Variants in SRGAP1 observed in about 807,000 individuals in gnomAD.
The protein encoded by SRGAP1 is SLIT-ROBO Rho GTPase-activating protein 1.
Under a neutral mutation model 121.9 loss-of-function variants are expected in SRGAP1, and 43 were observed. That is an observed-to-expected ratio of 0.35 (90% confidence interval 0.28 to 0.46). The LOEUF is 0.46. Among genes scored for constraint, SRGAP1 ranks in the 20% least tolerant of loss-of-function variants. SRGAP1 has a pLI of 1.00. For missense variants in SRGAP1, 1,102 were observed against 1,350.9 expected, an observed-to-expected ratio of 0.82 and a Z score of 2.89; for synonymous variants, 447 against 485.4, an observed-to-expected ratio of 0.92 and a Z score of 1.04.
intron 1 of SRGAP1, among the ~76,000 whole-genome samples, chr12:63,872,696 T>G (rs1171558548): frequency 6.6e-6 from 1 of 152,216 alleles, no homozygotes; most frequent in Non-Finnish European, 1.5e-5. Context: ...GGACAGGGAT[T>G]TGTTTTTTTA....
intron 3 of SRGAP1, among the ~76,000 whole-genome samples, chr12:64,015,241 A>G (rs2034371616): frequency 1.3e-5 from 2 of 152,194 alleles, no homozygotes; most frequent in South Asian, 4.1e-4. Context: ...CTGATATTAA[A>G]ATAACACCAA....
chr12:64,160,872 T>C lies in SRGAP1; in HGVS notation c.*18200T>C, dbSNP rs2037204490. The C allele has an allele frequency of 6.6e-6, 1 of 152,238 alleles. No individual in the cohort carries two copies. Among genetic ancestry groups the C allele is most frequent in the African/African-American group, 2.4e-5 (1 of 41,472 alleles). The allele number at this position is 152,238 out of a possible 1,614,324, so 9.4% of individuals were successfully genotyped here. On this transcript the variant is annotated 3_prime_UTR_variant, in exon 22 of 22. Transcript: ENST00000355086. ...CTATTCTCTCTAGCATTATGAATCATTTCCCCTCAGGATTTTGGAGATGTT... is the reference window on the plus strand; with the variant it reads ...CTATTCTCTCTAGCATTATGAATCACTTCCCCTCAGGATTTTGGAGATGTT...
chr12:64,072,148 G>GTGTGTGTGTGTGT (rs1555171583), intron 8 of SRGAP1, among the ~76,000 whole-genome samples: 47 of 52,946 alleles, frequency 8.9e-4, no homozygotes, highest in Non-Finnish European at 2.0e-3. Flanking sequence ...GTGTGTGTGT[G>GTGTGTGTGTGTGT]GGCGGCGGGG....
intron 6 of SRGAP1, among the ~76,000 whole-genome samples, chr12:64,054,003 A>C (rs1441872625): frequency 6.6e-6 from 1 of 152,182 alleles, no homozygotes. Flanking sequence ...CATTACTGAT[A>C]ATGTAGCCTC....
intron 1 of SRGAP1, among the ~76,000 whole-genome samples, chr12:63,938,401 C>G (rs146571373): frequency 6.6e-6 from 1 of 152,128 alleles, no homozygotes; most frequent in Non-Finnish European, 1.5e-5. Flanking sequence ...CGGTTGTGCT[C>G]GCCTGTCACC....
chr12:64,053,298 A>G (rs2035274628), intron 6 of SRGAP1, among the ~76,000 whole-genome samples: 1 of 152,226 alleles, frequency 6.6e-6, no homozygotes, highest in South Asian at 2.1e-4. Flanking sequence ...ATAGATAATA[A>G]GTAAGCAAAC....
intron 2 of SRGAP1, among the ~76,000 whole-genome samples, chr12:63,985,184 T>C (rs1383073677): frequency 6.6e-6 from 1 of 151,990 alleles, no homozygotes; most frequent in African/African-American, 2.4e-5. Flanking sequence ...AGAAGTGGCA[T>C]CTAAGCAAAG....
chr12:63,877,508 A>G (rs1264280950), intron 1 of SRGAP1, among the ~76,000 whole-genome samples: 1 of 152,244 alleles, frequency 6.6e-6, no homozygotes, highest in Non-Finnish European at 1.5e-5. Context: ...GTCTTTTGTT[A>G]AAACCTCAAC....
In SRGAP1 at chr12:64,156,353, A is replaced by C. The variant is rs1301682233; in HGVS notation, c.*13681A>C. ...ATGAATATTTTTAATAAATTTGTAG[A>C]TGTTAATATGATTTACTTATTTGCA... On this transcript the variant is annotated 3_prime_UTR_variant, in exon 22 of 22. Coordinates refer to ENST00000355086, the MANE Select transcript of SRGAP1 (RefSeq NM_020762.4). 2 of 152,242 alleles carry C rather than the reference A, an allele frequency of 1.3e-5. No individual in the cohort carries two copies. The highest frequency in any genetic ancestry group is 2.9e-5 in the Non-Finnish European group (2 of 68,042). The allele number at this position is 152,242 out of a possible 1,614,324, so 9.4% of individuals were successfully genotyped here.
chr12:64,084,258 T>C (rs780077235), intron 10 of SRGAP1, among the ~76,000 whole-genome samples: 1 of 149,752 alleles, frequency 6.7e-6, no homozygotes, highest in East Asian at 2.0e-4. Context: ...AATTTAAGAG[T>C]AGCTGAAAAA....
At chr12:63,943,752 G>A (rs73115817) in intron 1 of SRGAP1, among the ~76,000 whole-genome samples, 1 of 152,110 alleles carries the variant, frequency 6.6e-6, no homozygotes, top group East Asian at 1.9e-4. Flanking sequence ...GGGCCATGGG[G>A]TATACAGATC....
intron 4 of SRGAP1, among the ~76,000 whole-genome samples, chr12:64,040,586 A>T (rs1212269442): frequency 6.6e-6 from 1 of 152,184 alleles, no homozygotes; most frequent in African/African-American, 2.4e-5. Context: ...ATTCACCCGG[A>T]TGTCTGACAT....
chr12:64,098,448 T>C (rs958369730), intron 15 of SRGAP1, among the ~76,000 whole-genome samples: 1 of 152,024 alleles, frequency 6.6e-6, no homozygotes, highest in Non-Finnish European at 1.5e-5. Context: ...GGTGGGCTTA[T>C]TGCTTGGTCT....
chr12:64,017,654 C>CA lies in SRGAP1; in HGVS notation c.489+658dup, dbSNP rs1184835216. 3.6e-3 allele frequency among the ~76,000 whole-genome samples: 393 copies of CA among 109,216 alleles called. 2 individuals carry two copies. Among genetic ancestry groups the CA allele is most frequent in the African/African-American group, 5.8e-3 (173 of 29,610 alleles). The allele number at this position is 109,216 out of a possible 152,430, so 71.6% of individuals were successfully genotyped here. On this transcript the variant is annotated intron_variant, in intron 4 of 21. Coordinates refer to ENST00000355086, the MANE Select transcript of SRGAP1 (RefSeq NM_020762.4). ...TGGGCAACAGAGTGAGACTCTATCT[C>CA]AAAAAAAAAAAAAAAATGTTGCCGT...
chr12:63,931,339 C>G (rs757629669), intron 1 of SRGAP1, among the ~76,000 whole-genome samples: 5 of 152,122 alleles, frequency 3.3e-5, no homozygotes, highest in Non-Finnish European at 5.9e-5. Context: ...TTATTTTGAG[C>G]AAAAGAAGGT....
Position 64,148,962 on chromosome 12 carries a change from ATG to A in SRGAP1, c.*6292_*6293del, listed in dbSNP as rs1286758965. ...CTTTCTATAAATGGGTTCATACAGT[ATG>A]TAGATTTTGTGTCTGGCTCCTTTTG... On this transcript the variant is annotated 3_prime_UTR_variant, in exon 22 of 22. Coordinates refer to ENST00000355086, the MANE Select transcript of SRGAP1 (RefSeq NM_020762.4). 1.3e-5 allele frequency: 2 copies of A among 152,202 alleles called. No homozygotes were observed. Among genetic ancestry groups the A allele is most frequent in the Admixed American group, 1.3e-4 (2 of 15,280 alleles). 9.4% of individuals were successfully genotyped at this position (152,202 alleles called of 1,614,324 possible). A position where few individuals can be genotyped will look rare whatever the true frequency, so the allele number is the denominator to read the frequency against.
chr12:64,097,345 GA>G lies in SRGAP1; in HGVS notation c.1786del (p.Arg596AspfsTer5). On this transcript the variant is annotated frameshift_variant, in exon 15 of 22. Coordinates refer to ENST00000355086, the MANE Select transcript of SRGAP1 (RefSeq NM_020762.4). LOFTEE classifies it high-confidence loss of function. ...RGLENPLFPKERFNDLISCIR... is the reference protein window; with the variant it reads ...RGLENPLFPKXRFNDLISCIR... ...GCTGGAAAACCCCCTCTTTCCTAAG[GA>G]AAGATTTAACGATCTGATTTCTTGT... 6.2e-7 allele frequency: 1 copy of G among 1,612,284 alleles called. No individual in the cohort carries two copies. Among genetic ancestry groups the G allele is most frequent in the South Asian group, 1.1e-5 (1 of 90,648 alleles).
chr12:63,864,912 CTA>C (rs1899572086), intron 1 of SRGAP1, among the ~76,000 whole-genome samples: 1 of 151,966 alleles, frequency 6.6e-6, no homozygotes, highest in Admixed American at 6.6e-5. Context: ...ACTCATATAA[CTA>C]TATGGTTATA....
chr12:64,009,866 T>A (rs1036521894), intron 3 of SRGAP1, among the ~76,000 whole-genome samples: 1 of 152,172 alleles, frequency 6.6e-6, no homozygotes, highest in Non-Finnish European at 1.5e-5. Flanking sequence ...CCATGTCCCG[T>A]GACAGTTAGA....
Sources: gnomAD v4.1 joint callset for allele counts (sites outside exome capture counted in the v4.1 genomes callset) on GRCh38, gnomAD v4.1.1 for gene constraint, MANE v1.5 for transcripts, NCBI Gene and HGNC (gene_info 2026-07-23, HGNC 2026-07-21) for gene names.